The following MMS19 variants were observed in gnomAD, a reference collection of about 807,000 sequenced individuals.
The protein encoded by MMS19 is MMS19 cytosolic iron-sulfur assembly component.
A neutral mutation model predicts 129.8 loss-of-function variants in MMS19; 77 were observed. The ratio of observed to expected loss-of-function variants is 0.59; its 90% CI spans 0.49 to 0.72. MMS19 has a LOEUF of 0.72. MMS19 is among the 30% of genes least tolerant of loss of function. The pLI is 0.00. For synonymous variants in MMS19, 491 were observed against 502.8 expected (o/e 0.98, Z 0.31); for missense variants, 1,168 against 1,266.3 (o/e 0.92, Z 1.18).
rs377305270 is a variant in MMS19 at position 97,460,763 on chromosome 10, G to C, written c.2413-12C>G. ...AGGGCCTTTGTTACCTGTAATTGGA[G>C]ACAGAGAGAGCAATTGGGGAATGAC... On this transcript the variant is annotated splice_polypyrimidine_tract_variant and intron_variant, in intron 24 of 30. Transcript: ENST00000438925. 6.3e-7 allele frequency: 1 copy of C among 1,591,402 alleles called. No individual in the cohort carries two copies. Among genetic ancestry groups the C allele is most frequent in the Non-Finnish European group, 8.6e-7 (1 of 1,167,960 alleles).
chr10:97,468,156 A>C, intron 13 of MMS19, 96 bp downstream of exon 13: 5 of 1,274,584 alleles, frequency 3.9e-6, no homozygotes, highest in Non-Finnish European at 5.3e-6. Context: ...CCCAAGGTCT[A>C]CTATGTTGGC....
intron 21 of MMS19, 58 bp downstream of exon 21, chr10:97,461,959 T>C (rs1157413169): frequency 1.3e-6 from 2 of 1,565,922 alleles, no homozygotes; most frequent in Non-Finnish European, 1.7e-6. Context: ...CCTCTACCCA[T>C]TCCAGATTAG....
chr10:97,461,899 A>G lies in MMS19; in HGVS notation c.2116-3T>C. The G allele has an allele frequency of 6.2e-7, 1 of 1,603,032 alleles. No individual in the cohort carries two copies. Among genetic ancestry groups the G allele is most frequent in the Non-Finnish European group, 8.5e-7 (1 of 1,174,886 alleles). On this transcript the variant is annotated splice_region_variant and splice_polypyrimidine_tract_variant and intron_variant, in intron 21 of 30. Coordinates refer to ENST00000438925, the MANE Select transcript of MMS19 (RefSeq NM_022362.5). ...CGCCTCTGCCCTGAGGAGCCATCCT[A>G]TAAAGGAAGGAGAGCCCGATCAAGC...
At chr10:97,465,611 C>T (rs951105710) in intron 18 of MMS19, among the ~76,000 whole-genome samples, 194 bp downstream of exon 18, 2 of 152,248 alleles carry the variant, frequency 1.3e-5, no homozygotes, top group Non-Finnish European at 1.5e-5. Flanking sequence ...GCCGGGTACT[C>T]TTAATAGTAC....
chr10:97,477,103 C>T (rs2035912936), intron 6 of MMS19, 140 bp from the exon 7 acceptor site: 1 of 1,517,176 alleles, frequency 6.6e-7, no homozygotes, highest in Admixed American at 2.3e-5. Context: ...CAAGAAAGTA[C>T]TCAGTGAAGA....
chr10:97,461,648 G>A lies in MMS19; in HGVS notation c.2185-26C>T, dbSNP rs898259795. On this transcript the variant is annotated intron_variant, in intron 22 of 30. Coordinates refer to ENST00000438925, the MANE Select transcript of MMS19 (RefSeq NM_022362.5). ...CTACAGAAAACCTGGCCATGTAATG[G>A]ACCCAGAGAACACTTGAACTCCAAG... 7 of 1,591,552 alleles carry A rather than the reference G, an allele frequency of 4.4e-6. No homozygotes were observed. In the African/African-American group the frequency reaches 9.4e-5, roughly 21 times the overall value.
chr10:97,487,211 T>C (rs1393199633), intron 1 of MMS19, among the ~76,000 whole-genome samples: 1 of 151,940 alleles, frequency 6.6e-6, no homozygotes, highest in Non-Finnish European at 1.5e-5. Context: ...AAATAAAGAC[T>C]ATTCAATAGT....
chr10:97,489,663 T>C (rs1418364219), intron 1 of MMS19, among the ~76,000 whole-genome samples: 2 of 152,234 alleles, frequency 1.3e-5, no homozygotes, highest in African/African-American at 4.8e-5. Flanking sequence ...GAATACCAAA[T>C]TGCAGTTAGT....
rs376348871 is a variant in MMS19 at position 97,465,779 on chromosome 10, C to T, written c.1756+26G>A. The T allele has an allele frequency of 8.7e-5, 139 of 1,602,368 alleles. 1 individual carries two copies. The African/African-American group carries it at 1.3e-3, about 15-fold the overall frequency. ...CTACAGCTCCCTATTCAGCCCAGTC[C>T]GTTGGTGGTTATTCCTAGTAGTTAC... On this transcript the variant is annotated intron_variant, in intron 18 of 30. Transcript: ENST00000438925.
Position 97,461,610 on chromosome 10 carries a change from G to A in MMS19, c.2197C>T (p.Gln733Ter), listed in dbSNP as rs1352069676. ...AGCTCCCGCATGAGTTGGTTCAGCTGAGGGATTTCCACCTACAGAAAACCT... is the reference window on the plus strand; with the variant it reads ...AGCTCCCGCATGAGTTGGTTCAGCTAAGGGATTTCCACCTACAGAAAACCT... Reference protein sequence around the residue: ...CSLPRNVEIPQLNQLMRELLE... With the variant: ...CSLPRNVEIP Residue 733 changes from glutamine (Q) to a stop codon, truncating the protein, a stop_gained, in exon 23 of 31, where the codon CAG becomes TAG. Transcript: ENST00000438925. LOFTEE classifies it high-confidence loss of function. The A allele has an allele frequency of 6.3e-7, 1 of 1,598,896 alleles. No individual in the cohort carries two copies. Among genetic ancestry groups the A allele is most frequent in the South Asian group, 1.1e-5 (1 of 88,308 alleles).
chr10:97,469,781 AG>A, intron 10 of MMS19, 58 bp from the exon 11 acceptor site: 2 of 1,480,854 alleles, frequency 1.4e-6, no homozygotes, highest in Non-Finnish European at 1.9e-6. Context: ...TAGGATGTGC[AG>A]GTACCTCAGC....
intron 2 of MMS19, among the ~76,000 whole-genome samples, chr10:97,483,188 G>GACCACAGGCGCATGCC (rs1269297212): frequency 1.3e-5 from 2 of 151,928 alleles, no homozygotes; most frequent in African/African-American, 4.8e-5. Flanking sequence ...GGGTAGCTGG[G>GACCACAGGCGCATGCC]ACCACAGGCG....
At position 97,460,699 on chromosome 10, in the gene MMS19, GC is replaced by G; in HGVS notation, c.2464del (p.Ala822ProfsTer7). 3 of 1,593,406 alleles carry G rather than the reference GC, an allele frequency of 1.9e-6. No individual in the cohort carries two copies. The highest frequency in any genetic ancestry group is 2.6e-6 in the Non-Finnish European group (3 of 1,169,268). The stretch of plus-strand genomic sequence containing the variant: ...CTGTCTCCAGAAAGGACGTACCCGG[GC>G]TGTAAGGCAGGAGCTGAGAGGATGG... The part of the protein sequence containing the change: ...RYHPLSSCLT[A>X]RLMGLLSDPE... On this transcript the variant is annotated frameshift_variant, in exon 25 of 31. Transcript: ENST00000438925. LOFTEE classifies it high-confidence loss of function.
At position 97,463,163 on chromosome 10, in the gene MMS19, G is replaced by GTTTTTT. The variant is rs11369236; in HGVS notation, c.1913-487_1913-482dup. Among the ~76,000 whole-genome samples the GTTTTTT allele has an allele frequency of 1.8e-3, 237 of 129,214 alleles. 1 individual carries two copies. In the Middle Eastern group the frequency reaches 0.024, roughly 13 times the overall value. 84.8% of individuals were successfully genotyped at this position (129,214 alleles called of 152,430 possible). On this transcript the variant is annotated intron_variant, in intron 19 of 30. Transcript: ENST00000438925. Reference sequence around the variant, plus strand: ...TCCTTACCAACTACCCTGTGAAACAGTTTTTTTTTTTTTTTTTTTTGAGAC... The same window carrying GTTTTTT: ...TCCTTACCAACTACCCTGTGAAACAGTTTTTTTTTTTTTTTTTTTTTTTTTTGAGAC...
intron 1 of MMS19, among the ~76,000 whole-genome samples, chr10:97,493,782 A>G (rs2039346316): frequency 1.3e-5 from 2 of 152,236 alleles, no homozygotes; most frequent in Non-Finnish European, 2.9e-5. Context: ...TGGGAGGCCA[A>G]GGCAGGCAGA....
chr10:97,496,649 C>T (rs1462481750), intron 1 of MMS19, among the ~76,000 whole-genome samples: 1 of 151,960 alleles, frequency 6.6e-6, no homozygotes, highest in Non-Finnish European at 1.5e-5. Context: ...TTTCGTATCG[C>T]ATAAATGTGA....
At chr10:97,488,970 T>G (rs1185244770) in intron 1 of MMS19, among the ~76,000 whole-genome samples, 1 of 152,198 alleles carries the variant, frequency 6.6e-6, no homozygotes, top group Non-Finnish European at 1.5e-5. Flanking sequence ...TTTATTTTTA[T>G]TTTTTGAGAC....
Position 97,461,020 on chromosome 10 carries a change from G to C in MMS19, c.2312-13C>G. 6.5e-7 allele frequency: 1 copy of C among 1,542,906 alleles called. No individual in the cohort carries two copies. The highest frequency in any genetic ancestry group is 8.8e-7 in the Non-Finnish European group (1 of 1,139,794). On this transcript the variant is annotated splice_polypyrimidine_tract_variant and intron_variant, in intron 23 of 30. Transcript: ENST00000438925. ...TCCAGCTGCTGCCCTAAAAAGGAGA[G>C]AGGAAATGCTGACATAAAGGCTACA...
At chr10:97,466,425 C>T (rs996575272) in intron 16 of MMS19, 79 bp downstream of exon 16, 9 of 1,169,532 alleles carry the variant, frequency 7.7e-6, no homozygotes, top group African/African-American at 1.5e-5. Flanking sequence ...AGCACAGAGC[C>T]CTGGTCCTAG....
Sources: gnomAD v4.1 joint callset for allele counts (sites outside exome capture counted in the v4.1 genomes callset) on GRCh38, gnomAD v4.1.1 for gene constraint, MANE v1.5 for transcripts, NCBI Gene and HGNC (gene_info 2026-07-23, HGNC 2026-07-21) for gene names.